TRIM2: variants seen among roughly 807,000 people sequenced by gnomAD.
The protein encoded by TRIM2 is tripartite motif containing 2.
In TRIM2, 20 loss-of-function variants were observed where a neutral mutation model predicts 75.2. The ratio of observed to expected loss-of-function variants is 0.27; its 90% CI spans 0.19 to 0.39. TRIM2 has a LOEUF of 0.39. Among genes scored for constraint, TRIM2 ranks in the 10% least tolerant of loss-of-function variants. The pLI, the probability that TRIM2 is intolerant of heterozygous loss-of-function variation, is 1.00. For synonymous variants in TRIM2, 373 were observed against 388.3 expected (o/e 0.96, Z 0.46); for missense variants, 660 against 990.8 (o/e 0.67, Z 4.48).
intron 2 of TRIM2, among the ~76,000 whole-genome samples, chr4:153,273,507 A>T (rs535718785): frequency 1.0e-3 from 130 of 127,088 alleles, no homozygotes; most frequent in African/African-American, 3.9e-3. Flanking sequence ...GTTAGCCAGG[A>T]TGGTCTCGAT....
chr4:153,282,329 A>G (rs1046359317), intron 3 of TRIM2, among the ~76,000 whole-genome samples: 1 of 152,230 alleles, frequency 6.6e-6, no homozygotes, highest in Non-Finnish European at 1.5e-5. Flanking sequence ...TTCCCAAGAC[A>G]CACTTAAGAT....
In TRIM2 at chr4:153,336,127, T is replaced by TAC. The variant is rs1318857675; in HGVS notation, c.*1162_*1163insCA. The TAC allele has an allele frequency of 3.1e-6, 3 of 974,580 alleles. No individual in the cohort carries two copies. The African/African-American group carries it at 5.3e-5, about 17-fold the overall frequency. The allele number at this position is 974,580 out of a possible 1,614,324, so 60.4% of individuals were successfully genotyped here. A position where few individuals can be genotyped will look rare whatever the true frequency, so the allele number is the denominator to read the frequency against. The stretch of plus-strand genomic sequence containing the variant: ...TAAGATAGAATGTATTATATATATA[T>TAC]ATATATACACACACACATATATATA... On this transcript the variant is annotated 3_prime_UTR_variant, in exon 12 of 12. Coordinates refer to ENST00000338700, the MANE Select transcript of TRIM2 (RefSeq NM_015271.5).
At chr4:153,202,200 C>T (rs755836521), upstream of TRIM2, among the ~76,000 whole-genome samples, 4 of 152,156 alleles carry the variant, frequency 2.6e-5, no homozygotes, top group East Asian at 1.9e-4. Context: ...AAAATAAATA[C>T]GTTTCAACAT....
rs115563076 is a variant in TRIM2, at chr4:153,293,863, C to T, written c.606-442C>T. On this transcript the variant is annotated intron_variant, in intron 4 of 11. Transcript: ENST00000338700. ...AGTGGTTCTCAGCCATTCGGCAATG[C>T]CTGGAGACATTTTTGGTATCACAAC... is the stretch of plus-strand genomic sequence containing the variant. Among the ~76,000 whole-genome samples, 1,229 of 152,228 alleles carry T rather than the reference C, an allele frequency of 8.1e-3. 7 individuals carry two copies. Among genetic ancestry groups the T allele is most frequent in the Non-Finnish European group, 0.013 (910 of 68,016 alleles).
At chr4:153,224,204 A>G (rs1741493402) in intron 1 of TRIM2, among the ~76,000 whole-genome samples, 1 of 152,214 alleles carries the variant, frequency 6.6e-6, no homozygotes, top group Admixed American at 6.5e-5. Flanking sequence ...CCTCACCCTT[A>G]ACTAGAGATA....
intron 1 of TRIM2, among the ~76,000 whole-genome samples, chr4:153,189,331 G>T (rs1308252111): frequency 6.6e-6 from 1 of 152,216 alleles, no homozygotes; most frequent in East Asian, 1.9e-4. Context: ...AGGAAATGGG[G>T]TAGGTCTTTA....
In TRIM2 at chr4:153,336,454, G is replaced by C. The variant is rs1772466242; in HGVS notation, c.*1488G>C. On this transcript the variant is annotated 3_prime_UTR_variant, in exon 12 of 12. Coordinates refer to ENST00000338700, the MANE Select transcript of TRIM2 (RefSeq NM_015271.5). ...TAATTTAAATATAAATGCATTTTGA[G>C]AAATGTTAAGAACAATTTAGTCAAT... The C allele has an allele frequency of 1.0e-6, 1 of 985,362 alleles. No individual in the cohort carries two copies. 61.0% of individuals were successfully genotyped at this position (985,362 alleles called of 1,614,324 possible).
chr4:153,257,514 C>G, intron 1 of TRIM2: 4 of 1,280,300 alleles, frequency 3.1e-6, no homozygotes, highest in Non-Finnish European at 4.1e-6. Flanking sequence ...CTCATTTCCT[C>G]CATTTTTCTC....
At chr4:153,165,911 A>G (rs529969211) in intron 1 of TRIM2, among the ~76,000 whole-genome samples, 68 of 152,236 alleles carry the variant, frequency 4.5e-4, no homozygotes, top group African/African-American at 1.5e-3. Flanking sequence ...ATGGAAATGT[A>G]TGCCTCTCAT....
chr4:153,333,260 C>CA (rs1771894408), intron 11 of TRIM2, among the ~76,000 whole-genome samples: 1 of 151,842 alleles, frequency 6.6e-6, no homozygotes, highest in African/African-American at 2.4e-5. Context: ...GTACCATTCT[C>CA]AAAAAAATAA....
rs977304664 is a variant in TRIM2 at position 153,289,533 on chromosome 4, G to C, written c.454-3449G>C. On this transcript the variant is annotated intron_variant, in intron 3 of 11. Transcript: ENST00000338700. ...CTTTTTTCATACATGATGAACTCTGGTCTTGAGGATTTTTTACATTTTTCG... is the reference window on the plus strand; with the variant it reads ...CTTTTTTCATACATGATGAACTCTGCTCTTGAGGATTTTTTACATTTTTCG... 2.6e-5 allele frequency among the ~76,000 whole-genome samples: 4 copies of C among 152,062 alleles called. No individual in the cohort carries two copies. In the East Asian group the frequency reaches 7.7e-4, roughly 29 times the overall value.
rs148655590 is a variant in TRIM2 at position 153,267,882 on chromosome 4, G to A, written c.31-2453G>A. On this transcript the variant is annotated intron_variant, in intron 1 of 11. Coordinates refer to ENST00000338700, the MANE Select transcript of TRIM2 (RefSeq NM_015271.5). ...ATTTATCAAGACAGGGGATTGCAATGGAGAAAGAGTAATTCACTCAGAGCC... is the reference window on the plus strand; with the variant it reads ...ATTTATCAAGACAGGGGATTGCAATAGAGAAAGAGTAATTCACTCAGAGCC... Among the ~76,000 whole-genome samples, 79 of 152,268 alleles carry A rather than the reference G, an allele frequency of 5.2e-4. 5 individuals are homozygous for A. The East Asian group carries it at 0.015, about 29-fold the overall frequency.
At chr4:153,182,906 C>T (rs918487448) in intron 1 of TRIM2, among the ~76,000 whole-genome samples, 1 of 152,170 alleles carries the variant, frequency 6.6e-6, no homozygotes, top group Non-Finnish European at 1.5e-5. Flanking sequence ...TATCCCAATA[C>T]CCCAGTTATT....
intron 6 of TRIM2, among the ~76,000 whole-genome samples, chr4:153,313,740 G>T (rs1280137308): frequency 6.8e-6 from 1 of 147,208 alleles, no homozygotes; most frequent in Admixed American, 6.9e-5. Context: ...TTGTTTAAGC[G>T]ATTCTCCTGC....
chr4:153,181,136 G>T (rs1180503059), intron 1 of TRIM2, among the ~76,000 whole-genome samples: 3 of 152,172 alleles, frequency 2.0e-5, no homozygotes, highest in African/African-American at 7.2e-5. Flanking sequence ...TTCTAAGTAC[G>T]AACTTATGTA....
chr4:153,184,229 G>A (rs1009399084), intron 1 of TRIM2, among the ~76,000 whole-genome samples: 1 of 152,138 alleles, frequency 6.6e-6, no homozygotes, highest in African/African-American at 2.4e-5. Flanking sequence ...TTTGGAGGCT[G>A]GAAGTCGAAG....
At chr4:153,273,442 ATTTTTTTT>A (rs11459214) in intron 2 of TRIM2, among the ~76,000 whole-genome samples, 12 of 77,648 alleles carry the variant, frequency 1.5e-4, no homozygotes, top group East Asian at 6.6e-4. Context: ...CGCCCGGCTA[ATTTTTTTT>A]TTTTTTTTTT....
At chr4:153,257,112 C>T (rs756117647) in intron 1 of TRIM2, among the ~76,000 whole-genome samples, 2 of 152,202 alleles carry the variant, frequency 1.3e-5, no homozygotes, top group Non-Finnish European at 2.9e-5. Flanking sequence ...ATTCTCACTG[C>T]GTTCACCGTT....
chr4:153,169,601 T>C (rs1402690830), intron 1 of TRIM2, among the ~76,000 whole-genome samples: 1 of 152,226 alleles, frequency 6.6e-6, no homozygotes, highest in Non-Finnish European at 1.5e-5. Flanking sequence ...TGTGTGTGTA[T>C]ATTGTATATA....
Sources: allele counts gnomAD v4.1 joint callset (sites outside exome capture counted in the v4.1 genomes callset), GRCh38; gene constraint gnomAD v4.1.1; transcripts MANE v1.5; gene names NCBI Gene and HGNC (gene_info 2026-07-23, HGNC 2026-07-21).